Variants in AP2B1 observed in about 807,000 individuals in gnomAD.
AP2B1 encodes the protein AP-2 complex subunit beta.
Under a neutral mutation model 102.0 loss-of-function variants are expected in AP2B1, and 23 were observed. The observed-to-expected ratio is 0.23, with a 90% CI of 0.16 to 0.32. The LOEUF is 0.32. Ranked by LOEUF, AP2B1 falls within the 10% of genes least tolerant of loss-of-function variation. The pLI is 1.00. For missense variants in AP2B1, 541 were observed against 1,157.4 expected, an observed-to-expected ratio of 0.47 and a Z score of 7.73; for synonymous variants, 381 against 421.2, an observed-to-expected ratio of 0.90 and a Z score of 1.17.
chr17:35,717,127 T>C, intron 20 of AP2B1, 68 bp from the exon 21 acceptor site: 1 of 1,546,986 alleles, frequency 6.5e-7, no homozygotes, highest in Non-Finnish European at 8.8e-7. Flanking sequence ...CATAAGGATG[T>C]GAGAAGAGAG....
chr17:35,679,564 C>G (rs2075773803), intron 17 of AP2B1, among the ~76,000 whole-genome samples: 1 of 118,580 alleles, frequency 8.4e-6, no homozygotes, highest in African/African-American at 3.6e-5. Flanking sequence ...GAGCATCTCA[C>G]CAGTTCTGTG....
intron 2 of AP2B1, among the ~76,000 whole-genome samples, chr17:35,594,700 A>G (rs939940384): frequency 1.3e-5 from 2 of 152,218 alleles, no homozygotes; most frequent in African/African-American, 4.8e-5. Flanking sequence ...CGGAATCTCT[A>G]GAGCCATCTA....
chr17:35,613,974 G>T (rs749414003), intron 5 of AP2B1, among the ~76,000 whole-genome samples: 1 of 152,132 alleles, frequency 6.6e-6, no homozygotes, highest in African/African-American at 2.4e-5. Context: ...GCAAGAAAAT[G>T]TGTATCTTTT....
At chr17:35,653,586 G>C (rs1368058106) in intron 13 of AP2B1, among the ~76,000 whole-genome samples, 1 of 152,174 alleles carries the variant, frequency 6.6e-6, no homozygotes, top group African/African-American at 2.4e-5. Flanking sequence ...AGGTTCTCCT[G>C]CTACAGTCTC....
At chr17:35,633,110 C>G (rs2074508433) in intron 9 of AP2B1, among the ~76,000 whole-genome samples, 1 of 152,014 alleles carries the variant, frequency 6.6e-6, no homozygotes, top group African/African-American at 2.4e-5. Context: ...TGCCTCTAAT[C>G]CCAGCGCTTT....
intron 5 of AP2B1, chr17:35,621,254 T>A: frequency 1.0e-6 from 1 of 963,536 alleles, no homozygotes; most frequent in African/African-American, 1.8e-5. Context: ...TCAAAGTTAG[T>A]CTTTTTCTTT....
At chr17:35,678,961 TG>T (rs2075758649) in intron 17 of AP2B1, among the ~76,000 whole-genome samples, 1 of 21,562 alleles carries the variant, frequency 4.6e-5, no homozygotes, top group Non-Finnish European at 1.2e-4. Flanking sequence ...CTAGCATTGT[TG>T]TTTGTTTGTT....
intron 20 of AP2B1, among the ~76,000 whole-genome samples, chr17:35,715,052 A>G (rs2076526327): frequency 6.6e-6 from 1 of 152,246 alleles, no homozygotes; most frequent in African/African-American, 2.4e-5. Context: ...GAATCTCATC[A>G]TTCTGCAATC....
At chr17:35,628,475 C>A (rs149218428) in intron 9 of AP2B1, among the ~76,000 whole-genome samples, 260 of 152,252 alleles carry the variant, frequency 1.7e-3, no homozygotes, top group African/African-American at 6.0e-3. Flanking sequence ...TGGTGGCACA[C>A]ACCTGTAGTC....
intron 17 of AP2B1, among the ~76,000 whole-genome samples, chr17:35,676,083 A>G (rs2075695745): frequency 6.6e-6 from 1 of 152,164 alleles, no homozygotes; most frequent in Non-Finnish European, 1.5e-5. Context: ...CTGTAGAAGA[A>G]ATTAAGTCTT....
At chr17:35,670,937 C>T (rs762882479) in intron 15 of AP2B1, 39 bp downstream of exon 15, 2 of 1,608,014 alleles carry the variant, frequency 1.2e-6, no homozygotes, top group African/African-American at 1.3e-5. Flanking sequence ...AGAAGCACTG[C>T]CCCCTGTTTG....
chr17:35,614,851 G>A (rs1430860559), intron 5 of AP2B1, among the ~76,000 whole-genome samples: 1 of 151,972 alleles, frequency 6.6e-6, no homozygotes, highest in Non-Finnish European at 1.5e-5. Context: ...TTCTCAGAAA[G>A]CAGTATGTAT....
chr17:35,644,421 A>G (rs1189055730), intron 12 of AP2B1, among the ~76,000 whole-genome samples: 1 of 152,166 alleles, frequency 6.6e-6, no homozygotes, highest in Non-Finnish European at 1.5e-5. Context: ...TCTGTCACCC[A>G]GGCTGGAGTG....
At chr17:35,633,264 G>T (rs1227576537) in intron 9 of AP2B1, among the ~76,000 whole-genome samples, 1 of 151,598 alleles carries the variant, frequency 6.6e-6, no homozygotes, top group Non-Finnish European at 1.5e-5. Context: ...GGAGGCTGAG[G>T]CAGGAGAATC....
At chr17:35,694,811 A>G (rs2076109587) in intron 18 of AP2B1, among the ~76,000 whole-genome samples, 1 of 152,328 alleles carries the variant, frequency 6.6e-6, no homozygotes, top group South Asian at 2.1e-4. Flanking sequence ...TGAACCCAGG[A>G]GGCGGAGGTT....
chr17:35,653,619 G>A (rs1270035142), intron 13 of AP2B1, among the ~76,000 whole-genome samples: 2 of 152,116 alleles, frequency 1.3e-5, no homozygotes, highest in African/African-American at 4.8e-5. Flanking sequence ...GACTACAGAT[G>A]TGTGCCACCA....
chr17:35,648,740 ATAAG>A (rs1246572454), intron 12 of AP2B1, among the ~76,000 whole-genome samples: 2 of 66,018 alleles, frequency 3.0e-5, no homozygotes, highest in Non-Finnish European at 6.0e-5. Flanking sequence ...TTTATATGAA[ATAAG>A]TGTGTGTGTG....
At chr17:35,629,839 G>A (rs1181913633) in intron 9 of AP2B1, among the ~76,000 whole-genome samples, 1 of 152,122 alleles carries the variant, frequency 6.6e-6, no homozygotes, top group African/African-American at 2.4e-5. Context: ...GCAGCCTTCC[G>A]GTAAGTATTA....
chr17:35,686,787 A>AC (rs1475468993), intron 18 of AP2B1, among the ~76,000 whole-genome samples: 1 of 151,930 alleles, frequency 6.6e-6, no homozygotes, highest in Non-Finnish European at 1.5e-5. Context: ...ACACGGTGAA[A>AC]CCCCGTCTCT....
Sources: gnomAD v4.1 joint callset for allele counts (sites outside exome capture counted in the v4.1 genomes callset) on GRCh38, gnomAD v4.1.1 for gene constraint, MANE v1.5 for transcripts, NCBI Gene and HGNC (gene_info 2026-07-23, HGNC 2026-07-21) for gene names.